The following NPR2 variants were observed in gnomAD, a reference collection of about 807,000 sequenced individuals.
NPR2 encodes the protein natriuretic peptide receptor 2.
In NPR2, 49 loss-of-function variants were observed where a neutral mutation model predicts 120.7. The observed-to-expected ratio is 0.41, with a 90% CI of 0.32 to 0.52. The LOEUF is 0.52. Ranked by LOEUF, NPR2 falls within the 20% of genes least tolerant of loss-of-function variation. The pLI is 0.36. For synonymous variants in NPR2, 484 were observed against 519.8 expected, an observed-to-expected ratio of 0.93 and a Z score of 0.94; for missense variants, 931 against 1,362.9, an observed-to-expected ratio of 0.68 and a Z score of 4.99.
intron 2 of NPR2, 86 bp downstream of exon 2, chr9:35,794,189 G>A: frequency 7.7e-7 from 1 of 1,304,832 alleles, no homozygotes; most frequent in Non-Finnish European, 1.1e-6. Context: ...AGAAACCCTA[G>A]GAACCAGGCA....
At chr9:35,803,198 G>T in intron 12 of NPR2, among the ~76,000 whole-genome samples, 1 of 84,840 alleles carries the variant, frequency 1.2e-5, no homozygotes, top group East Asian at 4.5e-4. Context: ...CCGCCTCCCG[G>T]GTTCACGCCA....
Position 35,801,051 on chromosome 9 carries a change from G to A in NPR2, c.1352-19G>A, listed in dbSNP as rs1374499055. 1.9e-6 allele frequency: 3 copies of A among 1,607,164 alleles called. No homozygotes were observed. Among genetic ancestry groups the A allele is most frequent in the Admixed American group, 3.3e-5 (2 of 59,998 alleles). On this transcript the variant is annotated intron_variant, in intron 6 of 21. Transcript: ENST00000342694. ...AAGTCCGCACACAGTCTTCCTCAGG[G>A]TCTCTATTTCCCCTTCAGCTCCACT...
intron 2 of NPR2, among the ~76,000 whole-genome samples, chr9:35,796,482 G>C (rs1827948299): frequency 6.6e-6 from 1 of 152,182 alleles, no homozygotes; most frequent in African/African-American, 2.4e-5. Context: ...ACTGCGCCTT[G>C]CTGGCTGTAT....
At position 35,806,340 on chromosome 9, in the gene NPR2, C is replaced by T. The variant is rs1828383917; in HGVS notation, c.2373-52C>T. 1 of 1,610,990 alleles carries T rather than the reference C, an allele frequency of 6.2e-7. No individual in the cohort carries two copies. The highest frequency in any genetic ancestry group is 1.1e-5 in the South Asian group (1 of 90,980). ...CAGAGGGTGGGTTGGATAGGAAGTC[C>T]TGGGAATCTTCAGAATCTTAGAGCA... is the stretch of plus-strand genomic sequence containing the variant. On this transcript the variant is annotated intron_variant, in intron 15 of 21. Transcript: ENST00000342694. This position sits in a 1 kb window ranked among gnomAD's most constrained non-coding sequence, Gnocchi z 4.6.
At position 35,805,213 on chromosome 9, in the gene NPR2, A is replaced by G. The variant is rs1180574230; in HGVS notation, c.1888-298A>G. Among the ~76,000 whole-genome samples the G allele has an allele frequency of 6.6e-6, 1 of 152,178 alleles. No individual in the cohort carries two copies. Among genetic ancestry groups the G allele is most frequent in the Non-Finnish European group, 1.5e-5 (1 of 68,030 alleles). ...CAAGTTCTGTTCTCTTCACTAATCA[A>G]GAAGATTGACTGCCCTCTCCAGGGT... On this transcript the variant is annotated intron_variant, in intron 12 of 21. Coordinates refer to ENST00000342694, the MANE Select transcript of NPR2 (RefSeq NM_003995.4). The surrounding 1 kb of genome is among the most constrained non-coding windows in gnomAD (Gnocchi z 4.9).
intron 7 of NPR2, 76 bp downstream of exon 7, chr9:35,801,230 C>A: frequency 8.9e-7 from 1 of 1,117,542 alleles, no homozygotes; most frequent in South Asian, 1.2e-5. Flanking sequence ...CAGGTGGTCC[C>A]TATAATGTGG....
In NPR2 at chr9:35,800,328, G is replaced by C. The variant is rs1443999961; in HGVS notation, c.1124-61G>C. 1.0e-5 allele frequency: 15 copies of C among 1,501,322 alleles called. No individual in the cohort carries two copies. The South Asian group carries it at 1.7e-4, about 17-fold the overall frequency. 93.0% of individuals were successfully genotyped at this position (1,501,322 alleles called of 1,614,324 possible). A position where few individuals can be genotyped will look rare whatever the true frequency, so the allele number is the denominator to read the frequency against. On this transcript the variant is annotated intron_variant, in intron 4 of 21. Transcript: ENST00000342694. This position sits in a 1 kb window ranked among gnomAD's most constrained non-coding sequence, Gnocchi z 4.7. ...TAGACTCTGAGGGAGCCGTAGGCATGAGTGAGTGGGAGAGGAGCCCAGGGT... is the reference window on the plus strand; with the variant it reads ...TAGACTCTGAGGGAGCCGTAGGCATCAGTGAGTGGGAGAGGAGCCCAGGGT...
chr9:35,806,953 A>G lies in NPR2; in HGVS notation c.2520-70A>G, dbSNP rs890752003. On this transcript the variant is annotated intron_variant, in intron 16 of 21. Coordinates refer to ENST00000342694, the MANE Select transcript of NPR2 (RefSeq NM_003995.4). The surrounding 1 kb of genome is among the most constrained non-coding windows in gnomAD (Gnocchi z 4.6). ...TACAGCTCATCTCTGCTGCAGCCAC[A>G]TACACTTTCCCTCTCTCTTCCACTC... 1.3e-6 allele frequency: 2 copies of G among 1,567,716 alleles called. No individual in the cohort carries two copies. Among genetic ancestry groups the G allele is most frequent in the African/African-American group, 1.4e-5 (1 of 74,020 alleles).
Position 35,806,060 on chromosome 9 carries a change from C to T in NPR2, c.2204-5C>T, listed in dbSNP as rs757068075. ...TTCTTCATCCAAACCTTTGATCACC[C>T]TCAGAGATTGTCCAGAAGGTACGAA... is the stretch of plus-strand genomic sequence containing the variant. On this transcript the variant is annotated splice_polypyrimidine_tract_variant and splice_region_variant and intron_variant, in intron 14 of 21. Coordinates refer to ENST00000342694, the MANE Select transcript of NPR2 (RefSeq NM_003995.4). The surrounding 1 kb of genome is among the most constrained non-coding windows in gnomAD (Gnocchi z 4.6). 1 of 1,614,150 alleles carries T rather than the reference C, an allele frequency of 6.2e-7. No individual in the cohort carries two copies. The highest frequency in any genetic ancestry group is 1.7e-5 in the Admixed American group (1 of 60,030).
chr9:35,808,228 C>G lies in NPR2; in HGVS notation c.2713-281C>G. ...TTTCTTGCTTCCCATTTCCTGATGG[C>G]AGAGCCTATTTGTCCATGTCCTGCT... On this transcript the variant is annotated intron_variant, in intron 18 of 21. Coordinates refer to ENST00000342694, the MANE Select transcript of NPR2 (RefSeq NM_003995.4). The surrounding 1 kb of genome is among the most constrained non-coding windows in gnomAD (Gnocchi z 4.0). The G allele has an allele frequency of 1.2e-6, 2 of 1,614,186 alleles. No homozygotes were observed. The highest frequency in any genetic ancestry group is 1.7e-6 in the Non-Finnish European group (2 of 1,180,032).
rs1474042221 is a variant in NPR2, at chr9:35,802,198, A to G, written c.1633-8A>G. On this transcript the variant is annotated splice_region_variant and splice_polypyrimidine_tract_variant and intron_variant, in intron 9 of 21. Transcript: ENST00000342694. The surrounding 1 kb of genome is among the most constrained non-coding windows in gnomAD (Gnocchi z 4.2). The stretch of plus-strand genomic sequence containing the variant: ...CACTTTCCTTTCCCCTTTCACTCCC[A>G]CCATCAGGGAAATGTTGTCGCCATC... 1.1e-5 allele frequency: 17 copies of G among 1,577,906 alleles called. No homozygotes were observed.
Position 35,807,024 on chromosome 9 carries a change from T to C in NPR2, c.2521T>C (p.Ser841Pro). 1 of 1,614,110 alleles carries C rather than the reference T, an allele frequency of 6.2e-7. No homozygotes were observed. Among genetic ancestry groups the C allele is most frequent in the South Asian group, 1.1e-5 (1 of 91,080 alleles). ...TCATACGGCACCCTTGCTTCCTAGT[T>C]CAGTGGCAGAGCAGTTAAAACGGGG... ...EALLYQILPH[S>P]VAEQLKRGET... Residue 841 changes from serine to proline, a missense_variant and splice_region_variant, in exon 17 of 22, where the codon TCA (serine) becomes CCA (proline). This residue lies in a region of NPR2 where 184 missense variants were observed against 328.3 expected (regional missense o/e 0.56). Coordinates refer to ENST00000342694, the MANE Select transcript of NPR2 (RefSeq NM_003995.4).
In NPR2 at chr9:35,808,367, CCATGG is replaced by C. The variant is rs1828536976; in HGVS notation, c.2713-139_2713-135del. ...CATCTCCTCTCCCCTAGACTCAGGA[CCATGG>C]CACTTATTTTCTAGTCAATATTCTG... On this transcript the variant is annotated intron_variant, in intron 18 of 21. Coordinates refer to ENST00000342694, the MANE Select transcript of NPR2 (RefSeq NM_003995.4). The surrounding 1 kb of genome is among the most constrained non-coding windows in gnomAD (Gnocchi z 4.0). 1 of 1,412,748 alleles carries C rather than the reference CCATGG, an allele frequency of 7.1e-7. No individual in the cohort carries two copies. The highest frequency in any genetic ancestry group is 1.0e-6 in the Non-Finnish European group (1 of 1,001,902). The allele number at this position is 1,412,748 out of a possible 1,614,324, so 87.5% of individuals were successfully genotyped here.
chr9:35,809,604 C>G lies in NPR2; in HGVS notation c.*159C>G, dbSNP rs768523544. 1 of 1,230,066 alleles carries G rather than the reference C, an allele frequency of 8.1e-7. No individual in the cohort carries two copies. The highest frequency in any genetic ancestry group is 2.3e-5 in the East Asian group (1 of 43,166). The allele number at this position is 1,230,066 out of a possible 1,614,324, so 76.2% of individuals were successfully genotyped here. Reference sequence around the variant, plus strand: ...ATGGAAGTTGTAGCCCTCTGCAGCTCAGCCCTGTACATATACCTGTCCCTC... The same window carrying G: ...ATGGAAGTTGTAGCCCTCTGCAGCTGAGCCCTGTACATATACCTGTCCCTC... On this transcript the variant is annotated 3_prime_UTR_variant, in exon 22 of 22. Transcript: ENST00000342694. The surrounding 1 kb of genome is among the most constrained non-coding windows in gnomAD (Gnocchi z 4.1).
chr9:35,799,445 C>T (rs1431741305), intron 2 of NPR2, among the ~76,000 whole-genome samples, 173 bp from the exon 3 acceptor site: 1 of 151,288 alleles, frequency 6.6e-6, no homozygotes, highest in Admixed American at 6.6e-5. Flanking sequence ...CACACACACA[C>T]GCACACACAC....
rs1828110434 is a variant in NPR2, at chr9:35,800,536, C to G, written c.1218+53C>G. ...GTGTGGCCCTGCAAAATCCAGCTTT[C>G]AAGGGTTCAGTCGGGGCAGAACCAA... On this transcript the variant is annotated intron_variant, in intron 5 of 21. Coordinates refer to ENST00000342694, the MANE Select transcript of NPR2 (RefSeq NM_003995.4). The surrounding 1 kb of genome is among the most constrained non-coding windows in gnomAD (Gnocchi z 4.7). The G allele has an allele frequency of 5.7e-6, 9 of 1,582,388 alleles. No homozygotes were observed. Among genetic ancestry groups the G allele is most frequent in the Non-Finnish European group, 7.8e-6 (9 of 1,151,632 alleles).
In NPR2 at chr9:35,800,650, G is replaced by A. The variant is rs1435326463; in HGVS notation, c.1219-59G>A. 8.1e-6 allele frequency: 13 copies of A among 1,613,502 alleles called. No individual in the cohort carries two copies. The highest frequency in any genetic ancestry group is 1.3e-5 in the African/African-American group (1 of 74,928). On this transcript the variant is annotated intron_variant, in intron 5 of 21. Coordinates refer to ENST00000342694, the MANE Select transcript of NPR2 (RefSeq NM_003995.4). The surrounding 1 kb of genome is among the most constrained non-coding windows in gnomAD (Gnocchi z 4.7). ...GGAGAAAAGCAGCGAAACAGCTGGG[G>A]TCTGGGGAGGAGGCTGGTGGGAGCA... is the stretch of plus-strand genomic sequence containing the variant.
At position 35,809,120 on chromosome 9, in the gene NPR2, C is replaced by G; in HGVS notation, c.2987-36C>G. The G allele has an allele frequency of 6.4e-7, 1 of 1,563,808 alleles. No individual in the cohort carries two copies. Among genetic ancestry groups the G allele is most frequent in the Non-Finnish European group, 8.8e-7 (1 of 1,134,682 alleles). ...TATTTGATTGCCTTTTCTTTGATTC[C>G]TCATTCCACCATCCTCCCCATTCCA... On this transcript the variant is annotated intron_variant, in intron 20 of 21. Coordinates refer to ENST00000342694, the MANE Select transcript of NPR2 (RefSeq NM_003995.4). This position sits in a 1 kb window ranked among gnomAD's most constrained non-coding sequence, Gnocchi z 4.1.
chr9:35,800,285 C>G lies in NPR2; in HGVS notation c.1124-104C>G. 7.1e-7 allele frequency: 1 copy of G among 1,416,548 alleles called. No individual in the cohort carries two copies. Among genetic ancestry groups the G allele is most frequent in the Non-Finnish European group, 1.0e-6 (1 of 999,980 alleles). The allele number at this position is 1,416,548 out of a possible 1,614,324, so 87.7% of individuals were successfully genotyped here. A position where few individuals can be genotyped will look rare whatever the true frequency, so the allele number is the denominator to read the frequency against. On this transcript the variant is annotated intron_variant, in intron 4 of 21. Transcript: ENST00000342694. The surrounding 1 kb of genome is among the most constrained non-coding windows in gnomAD (Gnocchi z 4.7). ...GTGAATATGGCAGAGTTGCCCACAC[C>G]TCAAGATCGGGGAAGGGTAGACTCT...
Sources: allele counts gnomAD v4.1 joint callset (sites outside exome capture counted in the v4.1 genomes callset), GRCh38; gene constraint gnomAD v4.1.1; regional missense constraint gnomAD v4.1.1; non-coding constraint Gnocchi (gnomAD v3.1); transcripts MANE v1.5; gene names NCBI Gene and HGNC (gene_info 2026-07-23, HGNC 2026-07-21).